Variants in CCDC39 observed in about 807,000 individuals in gnomAD.
The protein encoded by CCDC39 is coiled-coil domain 39 molecular ruler complex subunit.
Under a neutral mutation model 121.0 loss-of-function variants are expected in CCDC39, and 113 were observed. The ratio of observed to expected loss-of-function variants is 0.93; its 90% CI spans 0.80 to 1.09. The LOEUF (loss-of-function observed/expected upper bound fraction) is 1.09, where lower values mean the gene tolerates loss of function less well. Ranked by LOEUF, CCDC39 falls within the 50% of genes least tolerant of loss-of-function variation. CCDC39 has a pLI of 0.00. For synonymous variants in CCDC39, 349 were observed against 352.2 expected, an observed-to-expected ratio of 0.99 and a Z score of 0.10; for missense variants, 1,063 against 1,074.7, an observed-to-expected ratio of 0.99 and a Z score of 0.15.
chr3:180,655,463 G>A (rs1455613610), intron 6 of CCDC39, among the ~76,000 whole-genome samples: 1 of 151,196 alleles, frequency 6.6e-6, no homozygotes, highest in Non-Finnish European at 1.5e-5. Flanking sequence ...AGTACCATGG[G>A]AACAAAGAGA....
At chr3:180,678,260 G>T (rs1199029827) in intron 1 of CCDC39, among the ~76,000 whole-genome samples, 1 of 152,082 alleles carries the variant, frequency 6.6e-6, no homozygotes, top group Admixed American at 6.5e-5. Context: ...CCTCCTTTGG[G>T]GAAAAATTGC....
chr3:180,677,974 T>C (rs1195179191), intron 1 of CCDC39, among the ~76,000 whole-genome samples: 1 of 152,192 alleles, frequency 6.6e-6, no homozygotes, highest in Non-Finnish European at 1.5e-5. Context: ...TATGGCTCTA[T>C]ACTTTTTTAA....
At position 180,614,944 on chromosome 3, in the gene CCDC39, TA is replaced by T; in HGVS notation, c.2802del (p.Lys935ArgfsTer14). The T allele has an allele frequency of 6.4e-7, 1 of 1,565,630 alleles. No individual in the cohort carries two copies. Among genetic ancestry groups the T allele is most frequent in the Admixed American group, 1.9e-5 (1 of 52,656 alleles). ...GTTTATTTGCTGCTCTTTTTGCTCT[TA>T]ACATTACTAGAGCTACTACTAGCAC... is the stretch of plus-strand genomic sequence containing the variant. ...PSSASSSSSN[V>X]KSKKSSK On this transcript the variant is annotated frameshift_variant, in exon 20 of 20. Transcript: ENST00000476379. LOFTEE classifies it high-confidence loss of function.
intron 11 of CCDC39, among the ~76,000 whole-genome samples, chr3:180,645,425 C>G (rs917436616): frequency 2.6e-5 from 4 of 151,998 alleles, no homozygotes; most frequent in Non-Finnish European, 5.9e-5. Flanking sequence ...TTTCCTAAAT[C>G]TAAACTTTCC....
chr3:180,671,038 CCT>C (rs1712030254), intron 1 of CCDC39, among the ~76,000 whole-genome samples: 1 of 151,834 alleles, frequency 6.6e-6, no homozygotes, highest in Non-Finnish European at 1.5e-5. Context: ...ATGGCAAAAC[CCT>C]GTGTCTACTA....
At chr3:180,639,765 T>C (rs976015929) in intron 13 of CCDC39, among the ~76,000 whole-genome samples, 11 of 151,954 alleles carry the variant, frequency 7.2e-5, no homozygotes, top group African/African-American at 2.4e-4. Flanking sequence ...CACCTGTTTC[T>C]CAAAAATTAT....
intron 14 of CCDC39, among the ~76,000 whole-genome samples, chr3:180,624,653 C>T (rs963288352): frequency 6.6e-6 from 1 of 152,016 alleles, no homozygotes; most frequent in Admixed American, 6.6e-5. Context: ...TTTAAAACTC[C>T]TTTGAGCATT....
chr3:180,644,859 T>G (rs1718035673), intron 11 of CCDC39, among the ~76,000 whole-genome samples: 1 of 152,178 alleles, frequency 6.6e-6, no homozygotes, highest in South Asian at 2.1e-4. Context: ...AGCTTGTGGA[T>G]ACAGAGGGCG....
At chr3:180,643,013 G>A (rs1029624470) in intron 12 of CCDC39, among the ~76,000 whole-genome samples, 4 of 150,680 alleles carry the variant, frequency 2.7e-5, no homozygotes, top group African/African-American at 9.8e-5. Context: ...AGGCTGGAGC[G>A]CAGTGGTGCG....
intron 11 of CCDC39, among the ~76,000 whole-genome samples, chr3:180,644,790 G>A (rs1273773692): frequency 6.6e-6 from 1 of 152,130 alleles, no homozygotes; most frequent in Non-Finnish European, 1.5e-5. Context: ...CAATACAGAT[G>A]CAATCACCCA....
In CCDC39 at chr3:180,616,971, A is replaced by G. The variant is rs200409307; in HGVS notation, c.2266-5T>C. ...ATCTAATGTATTTTCCATGCTCTGT[A>G]GAAAAAATATTAACATGTATTTTTT... is the stretch of plus-strand genomic sequence containing the variant. On this transcript the variant is annotated splice_polypyrimidine_tract_variant and splice_region_variant and intron_variant, in intron 16 of 19. Transcript: ENST00000476379. 1.2e-4 allele frequency: 154 copies of G among 1,292,666 alleles called. No homozygotes were observed. The highest frequency in any genetic ancestry group is 1.4e-4 in the Non-Finnish European group (133 of 951,752). The allele number at this position is 1,292,666 out of a possible 1,614,324, so 80.1% of individuals were successfully genotyped here.
At position 180,614,031 on chromosome 3, in the gene CCDC39, A is replaced by G. The variant is rs1442181197; in HGVS notation, c.*890T>C. 1 of 331,394 alleles carries G rather than the reference A, an allele frequency of 3.0e-6. No individual in the cohort carries two copies. Among genetic ancestry groups the G allele is most frequent in the Non-Finnish European group, 5.9e-6 (1 of 169,372 alleles). The allele number at this position is 331,394 out of a possible 1,614,324, so 20.5% of individuals were successfully genotyped here. ...CGTGAATTCTAATACATTTATTTAA[A>G]ATCCAGTTTTATAATATTCCACACT... On this transcript the variant is annotated 3_prime_UTR_variant, in exon 20 of 20. Coordinates refer to ENST00000476379, the MANE Select transcript of CCDC39 (RefSeq NM_181426.2).
intron 7 of CCDC39, among the ~76,000 whole-genome samples, chr3:180,653,672 C>T (rs951929734): frequency 2.0e-5 from 3 of 152,140 alleles, no homozygotes; most frequent in Non-Finnish European, 2.9e-5. Context: ...AGGCAACATA[C>T]TTTTTTATTT....
At position 180,631,373 on chromosome 3, in the gene CCDC39, A is replaced by G. The variant is rs140094751; in HGVS notation, c.1998+96T>C. Reference sequence around the variant, plus strand: ...TAGATTTCATGGAGGGAAAGTTGCAATATTGTTGTTTTTTTATTTAAATTC... The same window carrying G: ...TAGATTTCATGGAGGGAAAGTTGCAGTATTGTTGTTTTTTTATTTAAATTC... On this transcript the variant is annotated intron_variant, in intron 14 of 19. Coordinates refer to ENST00000476379, the MANE Select transcript of CCDC39 (RefSeq NM_181426.2). 4.0e-4 allele frequency: 468 copies of G among 1,171,226 alleles called. No individual in the cohort carries two copies. The African/African-American group carries it at 6.7e-3, about 17-fold the overall frequency. The allele number at this position is 1,171,226 out of a possible 1,614,324, so 72.6% of individuals were successfully genotyped here.
At chr3:180,659,262 A>G (rs1711677260) in intron 6 of CCDC39, among the ~76,000 whole-genome samples, 190 bp downstream of exon 6, 1 of 152,242 alleles carries the variant, frequency 6.6e-6, no homozygotes, top group African/African-American at 2.4e-5. Flanking sequence ...TTATAATACT[A>G]CACTCAAATA....
At chr3:180,619,070 A>G (rs1053982565) in intron 16 of CCDC39, among the ~76,000 whole-genome samples, 189 bp downstream of exon 16, 1 of 152,122 alleles carries the variant, frequency 6.6e-6, no homozygotes, top group Non-Finnish European at 1.5e-5. Flanking sequence ...GATTTTAACT[A>G]ATTTACCTAA....
rs371713454 is a variant in CCDC39, at chr3:180,616,549, C to A, written c.2553G>T (p.Glu851Asp). The change falls in exon 18 of 20, where the codon GAG becomes GAT. Residue 851 changes from glutamate (E) to aspartate (D), a missense_variant. Coordinates refer to ENST00000476379, the MANE Select transcript of CCDC39 (RefSeq NM_181426.2). ...MLVDIIEENT[E>D]IRIILQTYFQ... ...AGTATGTTTGAAGGATAATACGGAT[C>A]TCAGTATTTTCTTCTATGATATCAA... is the stretch of plus-strand genomic sequence containing the variant. The A allele has an allele frequency of 2.0e-5, 32 of 1,588,450 alleles. No individual in the cohort carries two copies. The African/African-American group carries it at 3.5e-4, about 17-fold the overall frequency.
At position 180,661,842 on chromosome 3, in the gene CCDC39, G is replaced by T; in HGVS notation, c.357+19C>A. On this transcript the variant is annotated intron_variant, in intron 3 of 19. Transcript: ENST00000476379. Reference sequence around the variant, plus strand: ...AATGAGCAGTAGCACAGAATTTTAAGTAATATTTCAACATATACTTCTTTA... The same window carrying T: ...AATGAGCAGTAGCACAGAATTTTAATTAATATTTCAACATATACTTCTTTA... 1 of 1,559,836 alleles carries T rather than the reference G, an allele frequency of 6.4e-7. No homozygotes were observed. The highest frequency in any genetic ancestry group is 8.7e-7 in the Non-Finnish European group (1 of 1,149,666).
chr3:180,653,872 ATTATTT>A (rs764644796), intron 7 of CCDC39, among the ~76,000 whole-genome samples: 51 of 152,136 alleles, frequency 3.4e-4, no homozygotes, highest in Admixed American at 1.3e-3. Flanking sequence ...TAATCTCTTG[ATTATTT>A]TTAACACCTA....
Sources: gnomAD v4.1 joint callset for allele counts (sites outside exome capture counted in the v4.1 genomes callset) on GRCh38, gnomAD v4.1.1 for gene constraint, MANE v1.5 for transcripts, NCBI Gene and HGNC (gene_info 2026-07-23, HGNC 2026-07-21) for gene names.